ZC3H7B: variants seen among roughly 807,000 people sequenced by gnomAD.
ZC3H7B encodes zinc finger CCCH domain-containing protein 7B.
In ZC3H7B, 35 loss-of-function variants were observed where a neutral mutation model predicts 116.0. The ratio of observed to expected loss-of-function variants is 0.30; its 90% CI spans 0.23 to 0.40. The LOEUF is 0.40. Ranked by LOEUF, ZC3H7B falls within the 10% of genes least tolerant of loss-of-function variation. The probability of loss-of-function intolerance (pLI) is 1.00; values close to 1 mark genes in which losing one functional copy is unlikely to be tolerated. For synonymous variants in ZC3H7B, 502 were observed against 545.6 expected (o/e 0.92, Z 1.11); for missense variants, 1,011 against 1,321.5 (o/e 0.77, Z 3.64).
At chr22:41,315,075 G>A (rs1366825327) in intron 1 of ZC3H7B, among the ~76,000 whole-genome samples, 1 of 151,686 alleles carries the variant, frequency 6.6e-6, no homozygotes, top group East Asian at 1.9e-4. Context: ...CTTTCAAGAT[G>A]CTCACCTCCC....
In ZC3H7B at chr22:41,340,472, G is replaced by A. The variant is rs528140039; in HGVS notation, c.1138+335G>A. Among the ~76,000 whole-genome samples, 218 of 152,188 alleles carry A rather than the reference G, an allele frequency of 1.4e-3. 1 individual carries two copies. Among genetic ancestry groups the A allele is most frequent in the African/African-American group, 5.1e-3 (211 of 41,530 alleles). On this transcript the variant is annotated intron_variant, in intron 10 of 22. Transcript: ENST00000352645. The stretch of plus-strand genomic sequence containing the variant: ...ATGGGATGATCCTGAGGCTGGGGGC[G>A]GAGCACAAGGTCATGGCCTCCCACT...
intron 13 of ZC3H7B, 29 bp from the exon 14 acceptor site, chr22:41,345,974 G>A (rs751144398): frequency 8.1e-6 from 13 of 1,612,852 alleles, no homozygotes; most frequent in South Asian, 3.3e-5. Context: ...CCCGCCTGGC[G>A]GAACGTGTGT....
chr22:41,357,660 C>A lies in ZC3H7B; in HGVS notation c.*231C>A. On this transcript the variant is annotated 3_prime_UTR_variant, in exon 23 of 23. Transcript: ENST00000352645. This position sits in a 1 kb window ranked among gnomAD's most constrained non-coding sequence, Gnocchi z 5.4. ...CGCTGAAACCTGGGCTGCCCTTCCC[C>A]CACCCCCACGGCTCTCCTGGTTGAG... 1.6e-6 allele frequency: 1 copy of A among 608,308 alleles called. No homozygotes were observed. The highest frequency in any genetic ancestry group is 2.1e-5 in the South Asian group (1 of 47,112). 37.7% of individuals were successfully genotyped at this position (608,308 alleles called of 1,614,324 possible). A position where few individuals can be genotyped will look rare whatever the true frequency, so the allele number is the denominator to read the frequency against.
Position 41,338,240 on chromosome 22 carries a change from G to C in ZC3H7B, c.583-73G>C. On this transcript the variant is annotated intron_variant, in intron 7 of 22. Transcript: ENST00000352645. The surrounding 1 kb of genome is among the most constrained non-coding windows in gnomAD (Gnocchi z 4.5). Reference sequence around the variant, plus strand: ...GCTGGGTCAACAGCATAGTCACGTGGGGAGGGGCTGGTGCTGGGTGCTGGG... The same window carrying C: ...GCTGGGTCAACAGCATAGTCACGTGCGGAGGGGCTGGTGCTGGGTGCTGGG... The C allele has an allele frequency of 6.6e-7, 1 of 1,515,722 alleles. No homozygotes were observed. The highest frequency in any genetic ancestry group is 2.3e-5 in the East Asian group (1 of 43,356). The allele number at this position is 1,515,722 out of a possible 1,614,324, so 93.9% of individuals were successfully genotyped here. A position where few individuals can be genotyped will look rare whatever the true frequency, so the allele number is the denominator to read the frequency against.
rs572533255 is a variant in ZC3H7B at position 41,338,167 on chromosome 22, C to T, written c.583-146C>T. 440 of 799,886 alleles carry T rather than the reference C, an allele frequency of 5.5e-4. 1 individual carries two copies. Among genetic ancestry groups the T allele is most frequent in the Admixed American group, 1.7e-3 (64 of 36,582 alleles). 49.5% of individuals were successfully genotyped at this position (799,886 alleles called of 1,614,324 possible). A position where few individuals can be genotyped will look rare whatever the true frequency, so the allele number is the denominator to read the frequency against. On this transcript the variant is annotated intron_variant, in intron 7 of 22. Transcript: ENST00000352645. This position sits in a 1 kb window ranked among gnomAD's most constrained non-coding sequence, Gnocchi z 4.5. ...ATAGGCATAAGCCACCACGCCTGGCCGCATGTGAGGGCTTTAATCTCCCCT... is the reference window on the plus strand; with the variant it reads ...ATAGGCATAAGCCACCACGCCTGGCTGCATGTGAGGGCTTTAATCTCCCCT...
chr22:41,349,173 A>G lies in ZC3H7B; in HGVS notation c.1820A>G (p.Gln607Arg). Residue 607 changes from glutamine to arginine, a missense_variant, in exon 16 of 23, where the codon CAG (glutamine) becomes CGG (arginine). By Grantham distance (43) the Gln-to-Arg change is conservative (BLOSUM62 1). Transcript: ENST00000352645. This position sits in a 1 kb window ranked among gnomAD's most constrained non-coding sequence, Gnocchi z 4.9. ...STSLKYSKIRQFQEHFQFDVC... is the reference protein window; with the variant it reads ...STSLKYSKIRRFQEHFQFDVC... ...TCCCTCAAGTACTCCAAGATCCGCC[A>G]GTTCCAGGAGCACTTCCAGTTCGAC... 1.2e-6 allele frequency: 2 copies of G among 1,613,870 alleles called. No individual in the cohort carries two copies. The highest frequency in any genetic ancestry group is 1.7e-6 in the Non-Finnish European group (2 of 1,180,016).
At chr22:41,352,325 A>G (rs1248772912) in intron 17 of ZC3H7B, among the ~76,000 whole-genome samples, 1 of 152,188 alleles carries the variant, frequency 6.6e-6, no homozygotes, top group East Asian at 1.9e-4. Context: ...GTGTCCCTTC[A>G]CTGGTGACAA....
chr22:41,325,816 A>T lies in ZC3H7B; in HGVS notation c.183A>T (p.Glu61Asp). ...DYKQALVQYM[E>D]GLNVADYAAS... Reference sequence around the variant, plus strand: ...AGCAGGCTCTGGTGCAGTACATGGAAGGGCTGAACGTGGCCGACTACGCTG... The same window carrying T: ...AGCAGGCTCTGGTGCAGTACATGGATGGGCTGAACGTGGCCGACTACGCTG... The change falls in exon 4 of 23, where the codon GAA (glutamate) becomes GAT (aspartate). Residue 61 changes from glutamate to aspartate, a missense_variant. Glu to Asp is a conservative substitution (Grantham distance 45, BLOSUM62 2). Coordinates refer to ENST00000352645, the MANE Select transcript of ZC3H7B (RefSeq NM_017590.6). 6.2e-7 allele frequency: 1 copy of T among 1,613,682 alleles called. No individual in the cohort carries two copies. Among genetic ancestry groups the T allele is most frequent in the Non-Finnish European group, 8.5e-7 (1 of 1,179,938 alleles).
intron 6 of ZC3H7B, among the ~76,000 whole-genome samples, chr22:41,331,201 A>G (rs1234674906): frequency 6.8e-6 from 1 of 146,570 alleles, no homozygotes; most frequent in Non-Finnish European, 1.5e-5. Context: ...GTGAGCCAAG[A>G]TCGCACCATT....
intron 5 of ZC3H7B, among the ~76,000 whole-genome samples, chr22:41,329,361 C>T (rs1001962902): frequency 1.9e-4 from 29 of 149,850 alleles, no homozygotes; most frequent in Non-Finnish European, 3.3e-4. Flanking sequence ...TGAGTTCAAG[C>T]GATTCTCCTG....
intron 1 of ZC3H7B, 87 bp from the exon 2 acceptor site, chr22:41,320,568 A>G (rs1293735614): frequency 6.9e-7 from 1 of 1,450,778 alleles, no homozygotes; most frequent in South Asian, 1.1e-5. Context: ...GAGTGAGAGC[A>G]CCCAATCACA....
In ZC3H7B at chr22:41,346,005, A is replaced by G. The variant is rs764993210; in HGVS notation, c.1462A>G (p.Met488Val). Residue 488 changes from methionine (M) to valine (V), a missense_variant and splice_region_variant, in exon 14 of 23, where the codon ATG (methionine) becomes GTG (valine). Transcript: ENST00000352645. The surrounding 1 kb of genome is among the most constrained non-coding windows in gnomAD (Gnocchi z 5.3). ...TGTGTCCTGTTGCCTCTTTGCAGAC[A>G]TGATTAACAAGCAGGACTGTAAGTA... ...FVGSYYLCKD[M>V]INKQDCKYGD... 7 of 1,614,076 alleles carry G rather than the reference A, an allele frequency of 4.3e-6. No homozygotes were observed. Among genetic ancestry groups the G allele is most frequent in the South Asian group, 1.1e-5 (1 of 91,088 alleles).
In ZC3H7B at chr22:41,356,761, C is replaced by T. The variant is rs777162471; in HGVS notation, c.2634C>T (p.Ser878=). The stretch of plus-strand genomic sequence containing the variant: ...TCTTCACGTCCGACAGTGACGCCAG[C>T]GGCTGGGCCTTCCGCTTCCCCATGG... ...EKVFTSDSDA[S]GWAFRFPMGE... is the part of the protein sequence containing the mutation. The change falls in exon 22 of 23, where the codon AGC becomes AGT. Residue 878 remains serine, a synonymous_variant. Transcript: ENST00000352645. 5.0e-6 allele frequency: 8 copies of T among 1,613,488 alleles called. No individual in the cohort carries two copies. Among genetic ancestry groups the T allele is most frequent in the African/African-American group, 1.3e-5 (1 of 74,942 alleles).
chr22:41,349,089 A>G lies in ZC3H7B; in HGVS notation c.1767-31A>G. The G allele has an allele frequency of 6.2e-7, 1 of 1,609,984 alleles. No individual in the cohort carries two copies. The highest frequency in any genetic ancestry group is 8.5e-7 in the Non-Finnish European group (1 of 1,178,216). On this transcript the variant is annotated intron_variant, in intron 15 of 22. Transcript: ENST00000352645. The surrounding 1 kb of genome is among the most constrained non-coding windows in gnomAD (Gnocchi z 4.9). ...GAAGGTCAGAGGGGCTGCGGACTGC[A>G]TCGTGCCCCTCCTGCCTGCCCGCCC... is the stretch of plus-strand genomic sequence containing the variant.
chr22:41,315,063 C>T (rs1018968105), intron 1 of ZC3H7B, among the ~76,000 whole-genome samples: 3 of 151,810 alleles, frequency 2.0e-5, no homozygotes, highest in Admixed American at 6.6e-5. Context: ...GCCTGACACA[C>T]GCTTTCAAGA....
chr22:41,345,945 G>A, intron 13 of ZC3H7B, 58 bp from the exon 14 acceptor site: 1 of 1,578,846 alleles, frequency 6.3e-7, no homozygotes, highest in Non-Finnish European at 8.7e-7. Flanking sequence ...GGGTGGCGAG[G>A]GTGCTGCGGG....
intron 14 of ZC3H7B, among the ~76,000 whole-genome samples, chr22:41,347,829 G>A (rs1333580564): frequency 3.9e-5 from 6 of 152,200 alleles, no homozygotes; most frequent in African/African-American, 1.4e-4. Flanking sequence ...CAGGCATTGG[G>A]AGTGGTGGGA....
chr22:41,311,534 G>A (rs2036118669), intron 1 of ZC3H7B, among the ~76,000 whole-genome samples: 2 of 152,158 alleles, frequency 1.3e-5, no homozygotes, highest in Admixed American at 1.3e-4. Context: ...GTGTGGCAGA[G>A]GGCATTCCAG....
rs554540398 is a variant in ZC3H7B, at chr22:41,358,771, A to AC, written c.*1348dup. Reference sequence around the variant, plus strand: ...CCTCTCGTCTGACATGTCTGTGTGCACCCCCCTCCTCTCCACCCTACCTTC... The same window carrying AC: ...CCTCTCGTCTGACATGTCTGTGTGCACCCCCCCTCCTCTCCACCCTACCTTC... On this transcript the variant is annotated 3_prime_UTR_variant, in exon 23 of 23. Transcript: ENST00000352645. 3 of 150,010 alleles carry AC rather than the reference A, an allele frequency of 2.0e-5. No individual in the cohort carries two copies. The highest frequency in any genetic ancestry group is 5.1e-4 in the Middle Eastern group (1 of 1,952). 9.3% of individuals were successfully genotyped at this position (150,010 alleles called of 1,614,324 possible).
Sources: gnomAD v4.1 joint callset for allele counts (sites outside exome capture counted in the v4.1 genomes callset) on GRCh38, gnomAD v4.1.1 for gene constraint, Gnocchi (gnomAD v3.1) non-coding constraint, MANE v1.5 for transcripts, NCBI Gene and HGNC (gene_info 2026-07-23, HGNC 2026-07-21) for gene names.